Variants in SDK1 observed in about 807,000 individuals in gnomAD.
SDK1 encodes the protein sidekick cell adhesion molecule 1.
SDK1 carries 157 observed loss-of-function variants against 245.5 expected under a neutral mutation model. The ratio of observed to expected loss-of-function variants is 0.64; its 90% CI spans 0.56 to 0.73. SDK1 has a LOEUF of 0.73. Among genes scored for constraint, SDK1 ranks in the 30% least tolerant of loss-of-function variants. The probability of loss-of-function intolerance (pLI) is 0.00; values close to 1 mark genes in which losing one functional copy is unlikely to be tolerated. For synonymous variants in SDK1, 1,647 were observed against 1,278.5 expected (o/e 1.29, Z -6.15); for missense variants, 3,583 against 3,002.3 (o/e 1.19, Z -4.52).
At chr7:3,639,190 T>C (rs1036970818) in intron 3 of SDK1, 80 bp downstream of exon 3, 15 of 695,558 alleles carry the variant, frequency 2.2e-5, no homozygotes, top group Non-Finnish European at 3.1e-5. Context: ...CTTTTCACCA[T>C]TGTAGGAACT....
intron 5 of SDK1, among the ~76,000 whole-genome samples, chr7:3,944,794 G>A (rs1354699843): frequency 2.0e-5 from 3 of 152,218 alleles, no homozygotes; most frequent in Non-Finnish European, 4.4e-5. Context: ...AGAGGAGCCA[G>A]TACCGATGAA....
At chr7:3,603,257 G>C (rs1328604951) in intron 1 of SDK1, among the ~76,000 whole-genome samples, 1 of 143,040 alleles carries the variant, frequency 7.0e-6, no homozygotes, top group African/African-American at 2.6e-5. Flanking sequence ...CATTGAATCT[G>C]TAAATTACCT....
chr7:3,994,659 G>GA (rs1387694037), intron 14 of SDK1, among the ~76,000 whole-genome samples: 2 of 145,890 alleles, frequency 1.4e-5, no homozygotes, highest in Non-Finnish European at 3.0e-5. Flanking sequence ...AAAAAAAAAA[G>GA]AGAAAAACAT....
intron 19 of SDK1, among the ~76,000 whole-genome samples, chr7:4,057,394 G>A (rs1719296294): frequency 6.6e-6 from 1 of 152,102 alleles, no homozygotes; most frequent in African/African-American, 2.4e-5. Flanking sequence ...CATCACAGCT[G>A]GCACCCATTC....
At chr7:3,742,794 T>C (rs904108512) in intron 4 of SDK1, among the ~76,000 whole-genome samples, 4 of 152,172 alleles carry the variant, frequency 2.6e-5, no homozygotes, top group African/African-American at 9.7e-5. Context: ...GAGGAAAGTT[T>C]TTCCTTTCCT....
intron 5 of SDK1, among the ~76,000 whole-genome samples, chr7:3,918,653 T>C (rs1248780147): frequency 1.3e-5 from 2 of 152,116 alleles, no homozygotes; most frequent in Admixed American, 6.5e-5. Flanking sequence ...CCTGAAACCA[T>C]CCCCCCGACA....
intron 5 of SDK1, among the ~76,000 whole-genome samples, chr7:3,854,566 A>G (rs941930531): frequency 1.1e-4 from 16 of 152,332 alleles, no homozygotes; most frequent in African/African-American, 2.2e-4. Context: ...AGATCTTTCA[A>G]TGAGAATGAA....
At chr7:3,313,446 T>G (rs1779595367) in intron 1 of SDK1, among the ~76,000 whole-genome samples, 1 of 152,052 alleles carries the variant, frequency 6.6e-6, no homozygotes, top group Admixed American at 6.6e-5. Flanking sequence ...AAAACAAAGT[T>G]GATGATTAGT....
At chr7:3,712,828 T>C (rs1785088575) in intron 4 of SDK1, among the ~76,000 whole-genome samples, 1 of 152,170 alleles carries the variant, frequency 6.6e-6, no homozygotes, top group Non-Finnish European at 1.5e-5. Flanking sequence ...TGTGGCTAAA[T>C]AAACAAGGAA....
chr7:3,655,173 C>G (rs1207623852), intron 4 of SDK1, among the ~76,000 whole-genome samples: 1 of 151,284 alleles, frequency 6.6e-6, no homozygotes, highest in African/African-American at 2.4e-5. Context: ...GTGACTCACA[C>G]CTGTAATCCC....
At chr7:3,765,377 C>G (rs1780225798) in intron 4 of SDK1, among the ~76,000 whole-genome samples, 1 of 152,178 alleles carries the variant, frequency 6.6e-6, no homozygotes, top group African/African-American at 2.4e-5. Context: ...CACCTTGCCC[C>G]TAAAGGTGAC....
intron 1 of SDK1, among the ~76,000 whole-genome samples, chr7:3,573,988 A>G (rs903507290): frequency 6.6e-6 from 1 of 152,110 alleles, no homozygotes; most frequent in Non-Finnish European, 1.5e-5. Context: ...TTTACATATC[A>G]TTCTTTGTGA....
At chr7:3,605,813 G>A (rs904594949) in intron 1 of SDK1, among the ~76,000 whole-genome samples, 10 of 151,890 alleles carry the variant, frequency 6.6e-5, no homozygotes, top group Non-Finnish European at 1.5e-5. Flanking sequence ...AAATAGTCTA[G>A]GACATTTAAA....
rs1783038089 is a variant in SDK1 at position 4,188,928 on chromosome 7, C to T, written c.5098+10342C>T. Among the ~76,000 whole-genome samples, 3 of 152,178 alleles carry T rather than the reference C, an allele frequency of 2.0e-5. No individual in the cohort carries two copies. In the South Asian group the frequency reaches 6.2e-4, roughly 32 times the overall value. ...CATCTTTACTGTTGCCCTAGTACTT[C>T]TAAAGCTTTCATTTACATCAGTTTG... On this transcript the variant is annotated intron_variant, in intron 35 of 44. Coordinates refer to ENST00000404826, the MANE Select transcript of SDK1 (RefSeq NM_152744.4).
At chr7:3,965,159 C>T (rs750520037) in intron 9 of SDK1, among the ~76,000 whole-genome samples, 9 of 152,262 alleles carry the variant, frequency 5.9e-5, no homozygotes, top group Admixed American at 4.6e-4. Flanking sequence ...TCAGCACATG[C>T]GAGTGGCTGT....
intron 4 of SDK1, among the ~76,000 whole-genome samples, chr7:3,742,977 A>G (rs2051915): frequency 6.6e-6 from 1 of 152,220 alleles, no homozygotes; most frequent in African/African-American, 2.4e-5. Context: ...ACCCTCATTA[A>G]CATGAGGAAG....
At chr7:3,406,234 C>G (rs886519945) in intron 1 of SDK1, among the ~76,000 whole-genome samples, 2 of 152,184 alleles carry the variant, frequency 1.3e-5, no homozygotes, top group African/African-American at 4.8e-5. Flanking sequence ...CTCTCTGATC[C>G]GCCCTTGGCA....
intron 35 of SDK1, among the ~76,000 whole-genome samples, chr7:4,193,252 GTAAT>G (rs998031370): frequency 1.5e-4 from 19 of 124,624 alleles, no homozygotes; most frequent in African/African-American, 4.1e-4. Context: ...ACAATATATT[GTAAT>G]TAATTGTATT....
chr7:4,051,449 G>C (rs1042320000), intron 18 of SDK1, among the ~76,000 whole-genome samples, 189 bp from the exon 19 acceptor site: 1 of 151,474 alleles, frequency 6.6e-6, no homozygotes, highest in Non-Finnish European at 1.5e-5. Context: ...ATACATGCTT[G>C]TATACAAAAA....
Sources: allele counts gnomAD v4.1 joint callset (sites outside exome capture counted in the v4.1 genomes callset), GRCh38; gene constraint gnomAD v4.1.1; transcripts MANE v1.5; gene names NCBI Gene and HGNC (gene_info 2026-07-23, HGNC 2026-07-21).